ECPAS: variants seen among roughly 807,000 people sequenced by gnomAD.
The protein encoded by ECPAS is Ecm29 proteasome adaptor and scaffold.
Under a neutral mutation model 255.1 loss-of-function variants are expected in ECPAS, and 70 were observed. The ratio of observed to expected loss-of-function variants is 0.27; its 90% confidence interval spans 0.23 to 0.33. The LOEUF (loss-of-function observed/expected upper bound fraction) is 0.33. Ranked by LOEUF, ECPAS falls within the 10% of genes least tolerant of loss-of-function variation. The probability of loss-of-function intolerance (pLI) is 1.00; values close to 1 mark genes in which losing one functional copy is unlikely to be tolerated. For synonymous variants in ECPAS, 784 were observed against 775.0 expected, an observed-to-expected ratio of 1.01 and a Z score of -0.19; for missense variants, 1,817 against 2,206.4, an observed-to-expected ratio of 0.82 and a Z score of 3.54.
chr9:111,477,587 G>A (rs2098298004), intron 1 of ECPAS, among the ~76,000 whole-genome samples: 1 of 152,058 alleles, frequency 6.6e-6, no homozygotes, highest in Admixed American at 6.6e-5. Context: ...TGCAGGACAG[G>A]AATAACACAG....
At chr9:111,469,766 G>A (rs1028879251) in intron 2 of ECPAS, among the ~76,000 whole-genome samples, 2 of 151,554 alleles carry the variant, frequency 1.3e-5, no homozygotes, top group East Asian at 3.9e-4. Flanking sequence ...CCGAGATCGC[G>A]CCACTGCACT....
intron 15 of ECPAS, among the ~76,000 whole-genome samples, chr9:111,421,021 G>GA (rs2098212719): frequency 6.6e-6 from 1 of 152,158 alleles, no homozygotes; most frequent in South Asian, 2.1e-4. Context: ...ACACTTCCTT[G>GA]TAAAGTTACC....
At chr9:111,380,777 C>G (rs1387247022) in intron 35 of ECPAS, among the ~76,000 whole-genome samples, 2 of 152,214 alleles carry the variant, frequency 1.3e-5, no homozygotes, top group Non-Finnish European at 2.9e-5. Context: ...GCTGCTTCAC[C>G]TTGCATCTTT....
chr9:111,484,129 G>T lies in ECPAS; in HGVS notation c.-96C>A. 6.9e-7 allele frequency: 1 copy of T among 1,456,684 alleles called. No homozygotes were observed. Among genetic ancestry groups the T allele is most frequent in the East Asian group, 3.1e-5 (1 of 32,748 alleles). The allele number at this position is 1,456,684 out of a possible 1,614,324, so 90.2% of individuals were successfully genotyped here. ...CGGGCCTCTGACCTGAGTCGGAGCC[G>T]GTCTCCATGCCGCGGACGCTGCGCT... On this transcript the variant is annotated 5_prime_UTR_variant, in exon 1 of 50. Transcript: ENST00000684092.
At chr9:111,365,099 C>G (rs552907696) in intron 48 of ECPAS, among the ~76,000 whole-genome samples, 1 of 151,870 alleles carries the variant, frequency 6.6e-6, no homozygotes, top group South Asian at 2.1e-4. Context: ...GGTGAAACCC[C>G]GTCTCTACTA....
intron 34 of ECPAS, 100 bp from the exon 35 acceptor site, chr9:111,383,432 A>T (rs1181014568): frequency 7.1e-7 from 1 of 1,399,056 alleles, no homozygotes; most frequent in Admixed American, 2.3e-5. Context: ...TACAGGGAAG[A>T]ATAAGTGAAT....
intron 10 of ECPAS, among the ~76,000 whole-genome samples, chr9:111,426,968 G>A (rs115351652): frequency 1.4e-3 from 206 of 152,000 alleles, no homozygotes; most frequent in African/African-American, 4.6e-3. Flanking sequence ...GAAAGACTCC[G>A]TCTCCAAAAA....
intron 20 of ECPAS, among the ~76,000 whole-genome samples, 178 bp from the exon 21 acceptor site, chr9:111,412,326 T>C (rs1333488202): frequency 2.6e-5 from 4 of 152,176 alleles, no homozygotes; most frequent in African/African-American, 7.2e-5. Flanking sequence ...CTTAGGTCCA[T>C]TTTCGTCAAA....
rs1350074057 is a variant in ECPAS at position 111,371,680 on chromosome 9, G to A, written c.4678C>T (p.Leu1560Phe). 6.2e-7 allele frequency: 1 copy of A among 1,613,746 alleles called. No individual in the cohort carries two copies. The highest frequency in any genetic ancestry group is 8.5e-7 in the Non-Finnish European group (1 of 1,179,814). The change falls in exon 43 of 50, where the codon CTC becomes TTC. Residue 1560 changes from leucine (L) to phenylalanine (F), a missense_variant. Leu to Phe is a conservative substitution (Grantham distance 22). Around this residue, in one of 4 missense-constraint regions of ECPAS, gnomAD observed 960 missense variants for 1,179.0 expected, o/e 0.81. Coordinates refer to ENST00000684092, the MANE Select transcript of ECPAS (RefSeq NM_001364929.1). Reference sequence around the variant, plus strand: ...AGCAATGCGGTCAGTATCATTCCGAGATATGGAGGTACTAGAGAGCTAGTC... The same window carrying A: ...AGCAATGCGGTCAGTATCATTCCGAAATATGGAGGTACTAGAGAGCTAGTC... ...KQTSSLVPPY[L>F]GMILTALLQG...
intron 46 of ECPAS, among the ~76,000 whole-genome samples, chr9:111,368,784 T>C (rs555399389): frequency 5.9e-5 from 9 of 152,310 alleles, no homozygotes; most frequent in African/African-American, 1.9e-4. Flanking sequence ...TCCTCCAGAA[T>C]TGTGAGAAAA....
At chr9:111,403,503 T>C (rs866357682) in intron 24 of ECPAS, among the ~76,000 whole-genome samples, 3 of 148,440 alleles carry the variant, frequency 2.0e-5, no homozygotes, top group East Asian at 2.0e-4. Flanking sequence ...AGTCAAAAAC[T>C]AGAAAAAGAC....
Position 111,422,199 on chromosome 9 carries a change from G to T in ECPAS, c.1267C>A (p.Arg423=). ...AYSAVGKLSS[R]MPHLFTKDIA... ...TCCTTAGTGAATAAATGTGGCATCCGACTGCAAAAGAATGTAAAAATATTG... is the reference window on the plus strand; with the variant it reads ...TCCTTAGTGAATAAATGTGGCATCCTACTGCAAAAGAATGTAAAAATATTG... Residue 423 remains arginine, a splice_region_variant and synonymous_variant, in exon 14 of 50, where the codon CGG becomes AGG. Transcript: ENST00000684092. 6.2e-7 allele frequency: 1 copy of T among 1,612,112 alleles called. No homozygotes were observed. The highest frequency in any genetic ancestry group is 2.2e-5 in the East Asian group (1 of 44,852).
At chr9:111,415,507 C>T (rs2098201992) in intron 18 of ECPAS, among the ~76,000 whole-genome samples, 1 of 152,018 alleles carries the variant, frequency 6.6e-6, no homozygotes, top group East Asian at 1.9e-4. Flanking sequence ...CAAGACCAGC[C>T]TGGGAAACAT....
chr9:111,413,829 A>G (rs1273083895), intron 20 of ECPAS, 66 bp downstream of exon 20: 2 of 1,047,412 alleles, frequency 1.9e-6, no homozygotes, highest in African/African-American at 3.2e-5. Context: ...CTGGCAGGAA[A>G]AAGAAATCAT....
chr9:111,373,553 C>T lies in ECPAS; in HGVS notation c.4178-147G>A, dbSNP rs1210734109. ...TTTCTGGATGTTATATTTATATATC[C>T]ATTTGCTTCCTTTTACATGATATAA... On this transcript the variant is annotated intron_variant, in intron 39 of 49. Transcript: ENST00000684092. The T allele has an allele frequency of 2.0e-5, 13 of 655,580 alleles. No individual in the cohort carries two copies. The South Asian group carries it at 2.2e-4, about 11-fold the overall frequency. The allele number at this position is 655,580 out of a possible 1,614,324, so 40.6% of individuals were successfully genotyped here.
At position 111,411,138 on chromosome 9, in the gene ECPAS, G is replaced by A. The variant is rs376114361; in HGVS notation, c.2219C>T (p.Pro740Leu). ...LIKTTKDNHS[P>L]EIQHGSLLAL... is the part of the protein sequence containing the mutation. ...AAGCAAGGATCCATGCTGTATCTCC[G>A]GGCTCTGAATTTAGCAAAAACAATA... The change falls in exon 22 of 50, where the codon CCG (proline) becomes CTG (leucine). Residue 740 changes from proline to leucine, a missense_variant. By Grantham distance (98) the Pro-to-Leu change is moderately conservative. Coordinates refer to ENST00000684092, the MANE Select transcript of ECPAS (RefSeq NM_001364929.1). 62 of 1,612,838 alleles carry A rather than the reference G, an allele frequency of 3.8e-5. No individual in the cohort carries two copies. In the African/African-American group the frequency reaches 5.2e-4, roughly 14 times the overall value.
At chr9:111,364,732 T>C (rs1421292486) in intron 48 of ECPAS, among the ~76,000 whole-genome samples, 1 of 152,232 alleles carries the variant, frequency 6.6e-6, no homozygotes, top group African/African-American at 2.4e-5. Flanking sequence ...AAACTGATAG[T>C]ACCTTGACCA....
chr9:111,481,412 A>C (rs1054535076), intron 1 of ECPAS, among the ~76,000 whole-genome samples: 1 of 152,192 alleles, frequency 6.6e-6, no homozygotes, highest in Non-Finnish European at 1.5e-5. Context: ...GGGCTGAGGC[A>C]TAAGAATGGC....
intron 13 of ECPAS, 132 bp downstream of exon 13, chr9:111,423,066 TA>T: frequency 1.5e-6 from 1 of 647,454 alleles, no homozygotes; most frequent in Non-Finnish European, 2.7e-6. Context: ...AAGACATTTC[TA>T]AACAACCTAT....
Sources: allele counts gnomAD v4.1 joint callset (sites outside exome capture counted in the v4.1 genomes callset), GRCh38; gene constraint gnomAD v4.1.1; regional missense constraint gnomAD v4.1.1; transcripts MANE v1.5; gene names NCBI Gene and HGNC (gene_info 2026-07-23, HGNC 2026-07-21).